Variants in SUGCT observed in about 807,000 individuals in gnomAD.
SUGCT encodes succinyl-CoA:glutarate CoA-transferase.
Under a neutral mutation model 55.0 loss-of-function variants are expected in SUGCT, and 41 were observed. That is an observed-to-expected ratio of 0.74 (90% CI 0.58 to 0.97). The LOEUF (loss-of-function observed/expected upper bound fraction) is 0.97, where lower values mean the gene tolerates loss of function less well. Ranked by LOEUF, SUGCT falls within the 50% of genes least tolerant of loss-of-function variation. SUGCT has a pLI of 0.00. For synonymous variants in SUGCT, 187 were observed against 200.4 expected, an observed-to-expected ratio of 0.93 and a Z score of 0.56; for missense variants, 568 against 547.8, an observed-to-expected ratio of 1.04 and a Z score of -0.37.
intron 12 of SUGCT, among the ~76,000 whole-genome samples, chr7:40,740,394 T>C (rs955133477): frequency 3.3e-5 from 5 of 151,346 alleles, no homozygotes; most frequent in African/African-American, 1.2e-4. Flanking sequence ...TTTGTTCCTT[T>C]TATTTTTATT....
At chr7:40,733,045 G>T (rs1265050753) in intron 12 of SUGCT, among the ~76,000 whole-genome samples, 1 of 152,066 alleles carries the variant, frequency 6.6e-6, no homozygotes, top group Non-Finnish European at 1.5e-5. Flanking sequence ...CTCCAGCCTG[G>T]GCGACAGAGC....
At chr7:40,281,831 T>G (rs1046708373) in intron 8 of SUGCT, among the ~76,000 whole-genome samples, 7 of 152,136 alleles carry the variant, frequency 4.6e-5, no homozygotes, top group Middle Eastern at 3.4e-3. Context: ...TTTTAGATGT[T>G]TTTTTGGAGA....
At chr7:40,474,506 C>G (rs1490746991) in intron 11 of SUGCT, among the ~76,000 whole-genome samples, 1 of 152,096 alleles carries the variant, frequency 6.6e-6, no homozygotes, top group South Asian at 2.1e-4. Flanking sequence ...GAGGTGCCAT[C>G]CAGCACACTC....
the SUGCT span, among the ~76,000 whole-genome samples, chr7:40,934,704 G>A: frequency 7.9e-5 from 12 of 152,146 alleles, no homozygotes; most frequent in African/African-American, 2.7e-4. Flanking sequence ...AGACTGCTGC[G>A]CTAGCAGTGA....
chr7:40,612,640 G>C (rs917974610), intron 12 of SUGCT, among the ~76,000 whole-genome samples: 1 of 152,240 alleles, frequency 6.6e-6, no homozygotes, highest in East Asian at 1.9e-4. Flanking sequence ...TCAACTCTCT[G>C]TGCCTTTTCT....
chr7:40,239,641 C>T (rs1043364739), intron 7 of SUGCT, among the ~76,000 whole-genome samples: 1 of 152,186 alleles, frequency 6.6e-6, no homozygotes, highest in Non-Finnish European at 1.5e-5. Context: ...TAGTACATTG[C>T]ACTGTGGTCT....
the SUGCT span, among the ~76,000 whole-genome samples, chr7:40,899,979 G>A: frequency 6.6e-6 from 1 of 152,176 alleles, no homozygotes; most frequent in African/African-American, 2.4e-5. Flanking sequence ...TGGGCTGGGG[G>A]GTAGTGGGTG....
chr7:40,462,841 C>T (rs1310686562), intron 11 of SUGCT, among the ~76,000 whole-genome samples: 1 of 152,158 alleles, frequency 6.6e-6, no homozygotes, highest in Non-Finnish European at 1.5e-5. Context: ...TATTACTTAA[C>T]ACATTTGTTT....
At chr7:40,227,951 C>T (rs1018750066) in intron 6 of SUGCT, among the ~76,000 whole-genome samples, 2 of 151,882 alleles carry the variant, frequency 1.3e-5, no homozygotes, top group Admixed American at 6.6e-5. Flanking sequence ...GGCACCATCT[C>T]GGCTCACTGC....
At chr7:40,853,444 A>G (rs1343731155) in intron 13 of SUGCT, among the ~76,000 whole-genome samples, 1 of 152,052 alleles carries the variant, frequency 6.6e-6, no homozygotes, top group Non-Finnish European at 1.5e-5. Flanking sequence ...GGCTCACTGC[A>G]ACCTCCGCCT....
chr7:41,035,777 G>A, the SUGCT span, among the ~76,000 whole-genome samples: 3 of 152,176 alleles, frequency 2.0e-5, no homozygotes, highest in African/African-American at 4.8e-5. Flanking sequence ...GTTGACCTGT[G>A]GGAGCTCACT....
chr7:40,367,872 C>G (rs377436096), intron 9 of SUGCT, among the ~76,000 whole-genome samples: 1 of 152,316 alleles, frequency 6.6e-6, no homozygotes, highest in South Asian at 2.1e-4. Context: ...CCTGGCCTTC[C>G]TGGCCCTTGC....
At chr7:40,754,461 C>G (rs930244605) in intron 13 of SUGCT, among the ~76,000 whole-genome samples, 16 of 152,202 alleles carry the variant, frequency 1.1e-4, no homozygotes, top group African/African-American at 3.9e-4. Flanking sequence ...ACTAACCTAA[C>G]TAAACTTACT....
the SUGCT span, among the ~76,000 whole-genome samples, chr7:40,951,944 A>T: frequency 5.3e-5 from 8 of 152,160 alleles, no homozygotes; most frequent in Non-Finnish European, 1.0e-4. Flanking sequence ...TTTTGGGTGG[A>T]GAGTTCTGTA....
chr7:40,943,833 T>G, the SUGCT span, among the ~76,000 whole-genome samples: 1 of 151,960 alleles, frequency 6.6e-6, no homozygotes, highest in South Asian at 2.1e-4. Context: ...TTTCTAGTTC[T>G]AGATCCCTGA....
intron 9 of SUGCT, among the ~76,000 whole-genome samples, chr7:40,429,144 A>G (rs1787757974): frequency 6.6e-6 from 1 of 151,836 alleles, no homozygotes; most frequent in South Asian, 2.1e-4. Context: ...TTATTGTGGC[A>G]AGAGCAGCTA....
the SUGCT span, among the ~76,000 whole-genome samples, chr7:40,946,268 C>A: frequency 3.2e-3 from 487 of 152,164 alleles, 5 homozygotes; most frequent in East Asian, 0.015. Flanking sequence ...GGACCACAGA[C>A]CTCTCAAAAA....
At chr7:40,983,474 G>A in the SUGCT span, among the ~76,000 whole-genome samples, 2 of 152,158 alleles carry the variant, frequency 1.3e-5, no homozygotes, top group Non-Finnish European at 2.9e-5. Context: ...ATCACTGGCT[G>A]CTTAGCACAA....
At chr7:40,661,775 A>C (rs966628275) in intron 12 of SUGCT, among the ~76,000 whole-genome samples, 2 of 152,162 alleles carry the variant, frequency 1.3e-5, no homozygotes, top group African/African-American at 4.8e-5. Context: ...GGCTTTCTGC[A>C]ACACAACATC....
Sources: gnomAD v4.1 joint callset for allele counts (sites outside exome capture counted in the v4.1 genomes callset) on GRCh38, gnomAD v4.1.1 for gene constraint, MANE v1.5 for transcripts, NCBI Gene and HGNC (gene_info 2026-07-23, HGNC 2026-07-21) for gene names.